The following ZNRF3 variants were observed in gnomAD, a reference collection of about 807,000 sequenced individuals.
The protein encoded by ZNRF3 is E3 ubiquitin-protein ligase ZNRF3.
In ZNRF3, 23 loss-of-function variants were observed where a neutral mutation model predicts 72.5. That is an observed-to-expected ratio of 0.32 (90% CI 0.23 to 0.45). The LOEUF (loss-of-function observed/expected upper bound fraction) is 0.45. Among genes scored for constraint, ZNRF3 ranks in the 20% least tolerant of loss-of-function variants. ZNRF3 has a pLI of 1.00. For missense variants in ZNRF3, 1,169 were observed against 1,272.1 expected (o/e 0.92, Z 1.23); for synonymous variants, 610 against 545.3 (o/e 1.12, Z -1.65).
intron 1 of ZNRF3, among the ~76,000 whole-genome samples, chr22:28,894,158 A>G (rs1454198065): frequency 2.7e-5 from 4 of 146,904 alleles, no homozygotes; most frequent in Non-Finnish European, 6.0e-5. Flanking sequence ...GGTTTTTGCC[A>G]TATTGCCAAG....
chr22:28,968,865 G>T (rs2035521759), intron 1 of ZNRF3, among the ~76,000 whole-genome samples: 2 of 151,880 alleles, frequency 1.3e-5, no homozygotes, highest in African/African-American at 2.4e-5. Context: ...GAGTTCGTTT[G>T]GAGGAAATGG....
Position 29,055,225 on chromosome 22 carries a change from T to C in ZNRF3, c.*1603T>C, listed in dbSNP as rs1177136867. Reference sequence around the variant, plus strand: ...AAATTTTTTTTAGAGGAAACTAATATTAGTCTTTGTGTTCACTAACTCTTC... The same window carrying C: ...AAATTTTTTTTAGAGGAAACTAATACTAGTCTTTGTGTTCACTAACTCTTC... On this transcript the variant is annotated 3_prime_UTR_variant, in exon 9 of 9. Coordinates refer to ENST00000544604, the MANE Select transcript of ZNRF3 (RefSeq NM_001206998.2). The C allele has an allele frequency of 2.0e-5, 3 of 152,334 alleles. No individual in the cohort carries two copies. Among genetic ancestry groups the C allele is most frequent in the Non-Finnish European group, 4.4e-5 (3 of 68,042 alleles). 9.4% of individuals were successfully genotyped at this position (152,334 alleles called of 1,614,324 possible).
intron 8 of ZNRF3, among the ~76,000 whole-genome samples, chr22:29,051,392 C>A (rs527280887): frequency 1.2e-4 from 19 of 152,166 alleles, no homozygotes; most frequent in Non-Finnish European, 2.6e-4. Flanking sequence ...GTTCATGACT[C>A]CTCATGGCTG....
chr22:28,910,029 C>T (rs939271557), intron 1 of ZNRF3, among the ~76,000 whole-genome samples: 18 of 151,542 alleles, frequency 1.2e-4, no homozygotes, highest in Admixed American at 6.6e-4. Context: ...GCCTCACTTT[C>T]TCCATTAACT....
intron 1 of ZNRF3, among the ~76,000 whole-genome samples, chr22:28,920,074 A>G (rs1291115276): frequency 6.8e-6 from 1 of 148,110 alleles, no homozygotes; most frequent in Non-Finnish European, 1.5e-5. Context: ...GATTCAAGCA[A>G]TTCTCGTGCC....
chr22:28,937,029 C>A (rs2034832030), intron 1 of ZNRF3, among the ~76,000 whole-genome samples: 1 of 151,890 alleles, frequency 6.6e-6, no homozygotes, highest in Non-Finnish European at 1.5e-5. Context: ...GTTTAGGATT[C>A]TTTTTAAATT....
chr22:28,991,360 A>C (rs1249633167), intron 2 of ZNRF3, among the ~76,000 whole-genome samples: 4 of 151,052 alleles, frequency 2.6e-5, no homozygotes, highest in Non-Finnish European at 5.9e-5. Flanking sequence ...TCCAAGGCTT[A>C]ATAGTACAAT....
intron 2 of ZNRF3, among the ~76,000 whole-genome samples, chr22:29,007,182 C>T (rs2036267006): frequency 6.6e-6 from 1 of 152,146 alleles, no homozygotes; most frequent in Admixed American, 6.5e-5. Flanking sequence ...GGAGCAAAGG[C>T]CCCTGGCTCT....
intron 2 of ZNRF3, among the ~76,000 whole-genome samples, chr22:29,009,903 C>CTTT (rs2036319342): frequency 8.2e-6 from 1 of 122,274 alleles, no homozygotes; most frequent in African/African-American, 3.0e-5. Flanking sequence ...GAACTTTTTC[C>CTTT]TCTTTTTTTT....
chr22:28,931,788 C>G (rs1394812172), intron 1 of ZNRF3, among the ~76,000 whole-genome samples: 1 of 152,226 alleles, frequency 6.6e-6, no homozygotes, highest in Non-Finnish European at 1.5e-5. Flanking sequence ...GATCCTAGCA[C>G]ATTGTCACCC....
intron 2 of ZNRF3, among the ~76,000 whole-genome samples, chr22:29,004,896 C>T (rs1371470004): frequency 2.0e-5 from 3 of 152,192 alleles, no homozygotes; most frequent in Non-Finnish European, 4.4e-5. Flanking sequence ...AAGAAAGCTT[C>T]GGGAATGAAA....
intron 1 of ZNRF3, among the ~76,000 whole-genome samples, chr22:28,944,562 C>T (rs1179452056): frequency 6.6e-6 from 1 of 152,016 alleles, no homozygotes; most frequent in Non-Finnish European, 1.5e-5. Flanking sequence ...CGAGACCAGC[C>T]TGGCCAACAT....
In ZNRF3 at chr22:28,955,998, A is replaced by G. The variant is rs569542929; in HGVS notation, c.301-31078A>G. Among the ~76,000 whole-genome samples, 3 of 152,236 alleles carry G rather than the reference A, an allele frequency of 2.0e-5. No homozygotes were observed. In the South Asian group the frequency reaches 6.2e-4, roughly 32 times the overall value. ...TGAGGTGTCCCACAAACCAAACAGG[A>G]TGTGGGGGTGCGGAGGATTATCCCC... is the stretch of plus-strand genomic sequence containing the variant. On this transcript the variant is annotated intron_variant, in intron 1 of 8. Coordinates refer to ENST00000544604, the MANE Select transcript of ZNRF3 (RefSeq NM_001206998.2).
At chr22:28,933,346 AT>A (rs930262498) in intron 1 of ZNRF3, among the ~76,000 whole-genome samples, 2 of 152,126 alleles carry the variant, frequency 1.3e-5, no homozygotes, top group Non-Finnish European at 2.9e-5. Flanking sequence ...TGTTATTGGG[AT>A]TTTTTATAAA....
At chr22:28,905,656 T>C (rs2034192849) in intron 1 of ZNRF3, among the ~76,000 whole-genome samples, 2 of 152,226 alleles carry the variant, frequency 1.3e-5, no homozygotes, top group African/African-American at 4.8e-5. Flanking sequence ...TGCTGTTACT[T>C]ACCTGGGCCT....
At chr22:28,907,941 A>AAGCT (rs1377066116) in intron 1 of ZNRF3, among the ~76,000 whole-genome samples, 1 of 152,340 alleles carries the variant, frequency 6.6e-6, no homozygotes, top group African/African-American at 2.4e-5. Context: ...ATTAGCAAGC[A>AAGCT]AGCTTTCAGA....
At chr22:28,956,695 G>A (rs569471326) in intron 1 of ZNRF3, among the ~76,000 whole-genome samples, 1 of 152,150 alleles carries the variant, frequency 6.6e-6, no homozygotes, top group Non-Finnish European at 1.5e-5. Flanking sequence ...CTCTACTCCT[G>A]CTTTGACTTC....
intron 2 of ZNRF3, among the ~76,000 whole-genome samples, chr22:28,989,767 A>AC (rs1363826201): frequency 1.3e-5 from 2 of 152,020 alleles, no homozygotes; most frequent in Admixed American, 6.6e-5. Context: ...ACACAGGCTA[A>AC]CCCCCTCCCC....
chr22:29,040,044 C>T (rs891776652), intron 2 of ZNRF3, among the ~76,000 whole-genome samples: 2 of 152,150 alleles, frequency 1.3e-5, no homozygotes, highest in Non-Finnish European at 2.9e-5. Flanking sequence ...AGCATCCTCT[C>T]TTCCTGGAGG....
Sources: allele counts gnomAD v4.1 joint callset (sites outside exome capture counted in the v4.1 genomes callset), GRCh38; gene constraint gnomAD v4.1.1; transcripts MANE v1.5; gene names NCBI Gene and HGNC (gene_info 2026-07-23, HGNC 2026-07-21).